The following HMGA2 variants were observed in gnomAD, a reference collection of about 807,000 sequenced individuals.
HMGA2 encodes high mobility group protein HMGI-C.
HMGA2 carries 8 observed loss-of-function variants against 19.1 expected under a neutral mutation model. The ratio of observed to expected loss-of-function variants is 0.42; its 90% confidence interval spans 0.25 to 0.76. HMGA2 has a LOEUF of 0.76. HMGA2 is among the 30% of genes least tolerant of loss of function. HMGA2 has a pLI of 0.28. For missense variants in HMGA2, 109 were observed against 136.3 expected, an observed-to-expected ratio of 0.80 and a Z score of 1.00; for synonymous variants, 60 against 48.8, an observed-to-expected ratio of 1.23 and a Z score of -0.96.
chr12:65,931,493 A>G (rs2121266686), intron 3 of HMGA2, among the ~76,000 whole-genome samples: 1 of 151,244 alleles, frequency 6.6e-6, no homozygotes, highest in African/African-American at 2.4e-5. Flanking sequence ...TATACTTATA[A>G]CTGCTCTACT....
At chr12:65,842,618 C>T in intron 3 of HMGA2, 2 of 1,535,366 alleles carry the variant, frequency 1.3e-6, no homozygotes, top group Non-Finnish European at 1.7e-6. Context: ...AGCTTAGAAG[C>T]CTTTCTTCCA....
chr12:65,865,721 G>A lies in HMGA2; in HGVS notation c.249+27152G>A, dbSNP rs550432083. 1.3e-4 allele frequency among the ~76,000 whole-genome samples: 19 copies of A among 145,998 alleles called. No individual in the cohort carries two copies. The East Asian group carries it at 1.8e-3, about 14-fold the overall frequency. On this transcript the variant is annotated intron_variant, in intron 3 of 4. Coordinates refer to ENST00000403681, the MANE Select transcript of HMGA2 (RefSeq NM_003483.6). The stretch of plus-strand genomic sequence containing the variant: ...TCAATCTCGGCTCACTGCAAACTCC[G>A]TCTCCCAGGTTCACACCATTCTCCT...
intron 3 of HMGA2, among the ~76,000 whole-genome samples, chr12:65,867,329 C>A (rs962954974): frequency 6.6e-6 from 1 of 152,082 alleles, no homozygotes; most frequent in Non-Finnish European, 1.5e-5. Flanking sequence ...GATACAAAGG[C>A]AGCATGAAAA....
intron 3 of HMGA2, among the ~76,000 whole-genome samples, chr12:65,903,536 G>A (rs1275098628): frequency 6.6e-6 from 1 of 152,172 alleles, no homozygotes; most frequent in African/African-American, 2.4e-5. Flanking sequence ...CTGAGACATC[G>A]CCGGGGAGGT....
chr12:65,874,278 A>C (rs557326765), intron 3 of HMGA2: 9 of 151,278 alleles, frequency 5.9e-5, no homozygotes, highest in Non-Finnish European at 1.2e-4. Context: ...TATATAAATA[A>C]TAGATATATG....
intron 4 of HMGA2, among the ~76,000 whole-genome samples, chr12:65,962,126 T>C (rs1326684988): frequency 6.6e-6 from 1 of 152,170 alleles, no homozygotes; most frequent in African/African-American, 2.4e-5. Context: ...CAGGAGTAAA[T>C]GTTTACCTCT....
chr12:65,963,464 A>AAT lies in HMGA2; in HGVS notation c.*173_*174insTA. Reference sequence around the variant, plus strand: ...GGTGGGGAGAAATCACATAACCTTAAAAAGGACTATATTAATCACCTTCTT... The same window carrying AAT: ...GGTGGGGAGAAATCACATAACCTTAAATAAAGGACTATATTAATCACCTTCTT... On this transcript the variant is annotated 3_prime_UTR_variant, in exon 5 of 5. Coordinates refer to ENST00000403681, the MANE Select transcript of HMGA2 (RefSeq NM_003483.6). The AAT allele has an allele frequency of 1.6e-6, 1 of 620,220 alleles. No individual in the cohort carries two copies. Among genetic ancestry groups the AAT allele is most frequent in the Non-Finnish European group, 2.9e-6 (1 of 350,042 alleles). 38.4% of individuals were successfully genotyped at this position (620,220 alleles called of 1,614,324 possible).
chr12:65,950,191 C>T (rs1038498856), intron 3 of HMGA2, among the ~76,000 whole-genome samples: 16 of 152,156 alleles, frequency 1.1e-4, no homozygotes, highest in African/African-American at 3.9e-4. Context: ...TATGAACCAG[C>T]GATTCCACTC....
At chr12:65,891,010 C>A (rs1268671944) in intron 3 of HMGA2, among the ~76,000 whole-genome samples, 3 of 152,158 alleles carry the variant, frequency 2.0e-5, no homozygotes, top group Non-Finnish European at 4.4e-5. Flanking sequence ...GGATTATAGG[C>A]ATGAGCCATA....
At chr12:65,883,717 A>G (rs955533838) in intron 3 of HMGA2, among the ~76,000 whole-genome samples, 1 of 152,210 alleles carries the variant, frequency 6.6e-6, no homozygotes, top group Admixed American at 6.5e-5. Flanking sequence ...TATTTCCAGA[A>G]AGAGGCACAG....
chr12:65,894,726 G>T (rs778552348), intron 3 of HMGA2, among the ~76,000 whole-genome samples: 1 of 152,058 alleles, frequency 6.6e-6, no homozygotes, highest in Non-Finnish European at 1.5e-5. Flanking sequence ...TCTCCCTTTT[G>T]GTGCACAGAT....
intron 3 of HMGA2, among the ~76,000 whole-genome samples, chr12:65,850,890 G>A (rs538335482): frequency 2.2e-4 from 33 of 152,284 alleles, no homozygotes; most frequent in Middle Eastern, 3.4e-3. Context: ...AAGTTTAATC[G>A]TCTTTCCTGT....
intron 2 of HMGA2, among the ~76,000 whole-genome samples, chr12:65,829,825 G>T (rs1353584512): frequency 1.3e-5 from 2 of 151,990 alleles, no homozygotes; most frequent in Non-Finnish European, 2.9e-5. Flanking sequence ...GCTGAAGCTA[G>T]TGCCTAGTTT....
intron 3 of HMGA2, among the ~76,000 whole-genome samples, chr12:65,931,587 G>C (rs1477851944): frequency 6.7e-6 from 1 of 149,770 alleles, no homozygotes; most frequent in Non-Finnish European, 1.5e-5. Context: ...GTGTGTGTGT[G>C]TGTTTGTGTG....
At chr12:65,941,551 T>G (rs370037541) in intron 3 of HMGA2, among the ~76,000 whole-genome samples, 2 of 152,336 alleles carry the variant, frequency 1.3e-5, no homozygotes, top group East Asian at 3.9e-4. Flanking sequence ...CTAGGAGAGA[T>G]ATGACTCAGT....
At chr12:65,922,118 T>C (rs7297477) in intron 3 of HMGA2, among the ~76,000 whole-genome samples, 51,881 of 152,096 alleles carry the variant, frequency 0.34, 11,191 homozygotes, top group African/African-American at 0.61. Flanking sequence ...AATGTGGGGT[T>C]GGAGCCCCCA....
rs118156519 is a variant in HMGA2 at position 65,872,353 on chromosome 12, G to A, written c.249+33784G>A. ...TCTTGTCAAGAAGTTCCTTGCACCCGGGAGGCTCTTCTTTCTCTACCTGCC... is the reference window on the plus strand; with the variant it reads ...TCTTGTCAAGAAGTTCCTTGCACCCAGGAGGCTCTTCTTTCTCTACCTGCC... On this transcript the variant is annotated intron_variant, in intron 3 of 4. Transcript: ENST00000403681. Among the ~76,000 whole-genome samples, 246 of 152,206 alleles carry A rather than the reference G, an allele frequency of 1.6e-3. 6 individuals carry two copies. In the East Asian group the frequency reaches 0.038, roughly 23 times the overall value.
intron 3 of HMGA2, among the ~76,000 whole-genome samples, chr12:65,880,874 C>T (rs939034435): frequency 1.3e-5 from 2 of 152,168 alleles, no homozygotes; most frequent in African/African-American, 4.8e-5. Context: ...TCATAACTGG[C>T]TCTATTTATC....
rs1009886331 is a variant in HMGA2, at chr12:65,842,517, G to A, written c.249+3948G>A. The A allele has an allele frequency of 7.4e-5, 85 of 1,144,290 alleles. No individual in the cohort carries two copies. In the Middle Eastern group the frequency reaches 9.6e-4, roughly 13 times the overall value. 70.9% of individuals were successfully genotyped at this position (1,144,290 alleles called of 1,614,324 possible). A position where few individuals can be genotyped will look rare whatever the true frequency, so the allele number is the denominator to read the frequency against. On this transcript the variant is annotated intron_variant, in intron 3 of 4. Coordinates refer to ENST00000403681, the MANE Select transcript of HMGA2 (RefSeq NM_003483.6). ...ATCATTATGTCCTCAATATATTTAT[G>A]CTGAATATTAATCAAGTTTAAGAAC...
Sources: gnomAD v4.1 joint callset for allele counts (sites outside exome capture counted in the v4.1 genomes callset) on GRCh38, gnomAD v4.1.1 for gene constraint, MANE v1.5 for transcripts, NCBI Gene and HGNC (gene_info 2026-07-23, HGNC 2026-07-21) for gene names.